Variants in SWAP70 observed in about 807,000 individuals in gnomAD.
SWAP70 encodes switch-associated protein 70.
Under a neutral mutation model 80.2 loss-of-function variants are expected in SWAP70, and 34 were observed. That is an observed-to-expected ratio of 0.42 (90% CI 0.32 to 0.56). The LOEUF is 0.56. SWAP70 is among the 20% of genes least tolerant of loss of function. The probability of loss-of-function intolerance (pLI) is 0.09; values close to 1 mark genes in which losing one functional copy is unlikely to be tolerated. For synonymous variants in SWAP70, 239 were observed against 238.5 expected, an observed-to-expected ratio of 1.00 and a Z score of -0.02; for missense variants, 578 against 690.7, an observed-to-expected ratio of 0.84 and a Z score of 1.83.
At chr11:9,686,344 C>T (rs202157681) in intron 1 of SWAP70, among the ~76,000 whole-genome samples, 6 of 143,880 alleles carry the variant, frequency 4.2e-5, no homozygotes, top group East Asian at 2.0e-4. Context: ...CTTTTATTTT[C>T]TTATTTATTT....
In SWAP70 at chr11:9,732,531, A is replaced by G; in HGVS notation, c.901A>G (p.Ile301Val). 8.7e-6 allele frequency: 14 copies of G among 1,604,316 alleles called. No homozygotes were observed. Among genetic ancestry groups the G allele is most frequent in the Non-Finnish European group, 1.2e-5 (14 of 1,174,526 alleles). The change falls in exon 7 of 12, where the codon ATT becomes GTT. Residue 301 changes from isoleucine (I) to valine (V), a missense_variant and splice_region_variant. Physicochemically the swap from Ile to Val is conservative, Grantham distance 29 (BLOSUM62 3). Coordinates refer to ENST00000318950, the MANE Select transcript of SWAP70 (RefSeq NM_015055.4). ...KKKKQEWIQA[I>V]HSTIHLLKLG... ...TTTTCCTCCTACACCTTTTACAGCCATTCATTCTACTATTCATCTGTTGAA... is the reference window on the plus strand; with the variant it reads ...TTTTCCTCCTACACCTTTTACAGCCGTTCATTCTACTATTCATCTGTTGAA...
At chr11:9,695,106 T>C (rs1850738975) in intron 2 of SWAP70, among the ~76,000 whole-genome samples, 1 of 152,022 alleles carries the variant, frequency 6.6e-6, no homozygotes, top group African/African-American at 2.4e-5. Flanking sequence ...CTGACCAATA[T>C]GATGAAACCC....
At chr11:9,715,279 TA>T (rs1246675994) in intron 3 of SWAP70, among the ~76,000 whole-genome samples, 3 of 152,026 alleles carry the variant, frequency 2.0e-5, no homozygotes, top group Non-Finnish European at 4.4e-5. Context: ...GTGCAGGGCC[TA>T]AAAGGGAATT....
At chr11:9,678,279 C>T (rs1417366708) in intron 1 of SWAP70, among the ~76,000 whole-genome samples, 2 of 152,124 alleles carry the variant, frequency 1.3e-5, no homozygotes, top group Admixed American at 1.3e-4. Context: ...CAGGCATGAG[C>T]CACTGCACCC....
intron 9 of SWAP70, chr11:9,740,659 G>C: frequency 5.2e-6 from 2 of 388,034 alleles, no homozygotes; most frequent in Middle Eastern, 8.5e-4. Flanking sequence ...AATTACCTCT[G>C]ATAAGAGCTT....
intron 1 of SWAP70, among the ~76,000 whole-genome samples, chr11:9,687,948 G>C (rs1850652366): frequency 1.3e-5 from 2 of 152,160 alleles, no homozygotes; most frequent in Admixed American, 1.3e-4. Context: ...ACCCAATCTT[G>C]AAGGATGTGA....
At chr11:9,714,170 A>G (rs1204424800) in intron 3 of SWAP70, among the ~76,000 whole-genome samples, 1 of 96,054 alleles carries the variant, frequency 1.0e-5, no homozygotes, top group Non-Finnish European at 3.1e-5. Context: ...CTTCTGTGCT[A>G]TCTAACTGTC....
At chr11:9,727,495 G>C (rs1398903569) in intron 4 of SWAP70, among the ~76,000 whole-genome samples, 1 of 148,052 alleles carries the variant, frequency 6.8e-6, no homozygotes, top group Non-Finnish European at 1.5e-5. Flanking sequence ...AAAGTGCTGG[G>C]ATTACAGGCA....
At chr11:9,676,678 C>A (rs1398082230) in intron 1 of SWAP70, among the ~76,000 whole-genome samples, 2 of 135,544 alleles carry the variant, frequency 1.5e-5, no homozygotes, top group African/African-American at 2.8e-5. Context: ...GAGACGGAGT[C>A]TTGCTCTGTT....
intron 1 of SWAP70, among the ~76,000 whole-genome samples, chr11:9,687,228 T>TA (rs1034558520): frequency 1.3e-5 from 2 of 152,182 alleles, no homozygotes; most frequent in African/African-American, 4.8e-5. Context: ...AGTTTCCTTG[T>TA]AAAAAAGTAT....
At chr11:9,666,709 C>A (rs1850311051) in intron 1 of SWAP70, among the ~76,000 whole-genome samples, 1 of 148,254 alleles carries the variant, frequency 6.7e-6, no homozygotes. Flanking sequence ...CCAGATATTC[C>A]CAGATGACCT....
chr11:9,699,960 C>G (rs1850811291), intron 2 of SWAP70, among the ~76,000 whole-genome samples: 2 of 151,472 alleles, frequency 1.3e-5, no homozygotes, highest in African/African-American at 4.9e-5. Flanking sequence ...CTGGGAAATT[C>G]TCAGAAATTC....
At position 9,747,968 on chromosome 11, in the gene SWAP70, G is replaced by A. The variant is rs753123282; in HGVS notation, c.1466G>A (p.Arg489His). 1.5e-5 allele frequency: 25 copies of A among 1,614,096 alleles called. No individual in the cohort carries two copies. The highest frequency in any genetic ancestry group is 1.5e-5 in the Non-Finnish European group (18 of 1,180,038). ...GAGAAGCAGGAGTTGGAGAATCAGC[G>A]TGTCCTGAAGGAACAGGCCCTGCAG... Reference protein sequence around the residue: ...EAEKQELENQRVLKEQALQEA... With the variant: ...EAEKQELENQHVLKEQALQEA... The change falls in exon 10 of 12, where the codon CGT becomes CAT. Residue 489 changes from arginine (R) to histidine (H), a missense_variant. By Grantham distance (29) the Arg-to-His change is conservative (BLOSUM62 0). Transcript: ENST00000318950.
chr11:9,685,782 C>T (rs955620053), intron 1 of SWAP70, among the ~76,000 whole-genome samples: 4 of 152,136 alleles, frequency 2.6e-5, no homozygotes, highest in Non-Finnish European at 5.9e-5. Flanking sequence ...TACAGGCACA[C>T]ACCACCACGC....
At chr11:9,719,772 A>C (rs1851112455) in intron 3 of SWAP70, among the ~76,000 whole-genome samples, 1 of 152,236 alleles carries the variant, frequency 6.6e-6, no homozygotes, top group South Asian at 2.1e-4. Context: ...TGTTTCTCAC[A>C]GAACCAGGAA....
chr11:9,666,563 G>A (rs985441986), intron 1 of SWAP70, among the ~76,000 whole-genome samples: 2 of 151,918 alleles, frequency 1.3e-5, no homozygotes, highest in East Asian at 1.9e-4. Flanking sequence ...TACTCTCACT[G>A]CTTTATGTTG....
intron 1 of SWAP70, among the ~76,000 whole-genome samples, chr11:9,665,498 C>T (rs1850297531): frequency 6.6e-6 from 1 of 152,188 alleles, no homozygotes; most frequent in Non-Finnish European, 1.5e-5. Flanking sequence ...ACAACCATGG[C>T]TTCCTCAGTT....
At chr11:9,692,722 G>C (rs929612572) in intron 1 of SWAP70, among the ~76,000 whole-genome samples, 15 of 151,904 alleles carry the variant, frequency 9.9e-5, no homozygotes, top group African/African-American at 3.6e-4. Flanking sequence ...TTAGTATATA[G>C]GATTTACTAG....
At chr11:9,701,691 CTTTTTT>C (rs1163108695) in intron 2 of SWAP70, among the ~76,000 whole-genome samples, 1,098 of 68,584 alleles carry the variant, frequency 0.016, 8 homozygotes, top group Non-Finnish European at 0.022. Context: ...TTTGTGGGCT[CTTTTTT>C]TTTTTTTTTT....
Sources: gnomAD v4.1 joint callset for allele counts (sites outside exome capture counted in the v4.1 genomes callset) on GRCh38, gnomAD v4.1.1 for gene constraint, MANE v1.5 for transcripts, NCBI Gene and HGNC (gene_info 2026-07-23, HGNC 2026-07-21) for gene names.